The following ISY1 variants were observed in gnomAD, a reference collection of about 807,000 sequenced individuals.
The protein encoded by ISY1 is ISY1 spliceosome associated protein.
A neutral mutation model predicts 54.4 loss-of-function variants in ISY1; 12 were observed. The observed-to-expected ratio is 0.22, with a 90% CI of 0.14 to 0.36. The LOEUF (loss-of-function observed/expected upper bound fraction) is 0.36, where lower values mean the gene tolerates loss of function less well. Among genes scored for constraint, ISY1 ranks in the 10% least tolerant of loss-of-function variants. ISY1 has a pLI of 1.00. For synonymous variants in ISY1, 96 were observed against 117.9 expected, an observed-to-expected ratio of 0.81 and a Z score of 1.20; for missense variants, 282 against 342.2, an observed-to-expected ratio of 0.82 and a Z score of 1.39.
At chr3:129,160,087 GC>G (rs1201627616) in intron 1 of ISY1, among the ~76,000 whole-genome samples, 3 of 151,392 alleles carry the variant, frequency 2.0e-5, no homozygotes, top group Non-Finnish European at 2.9e-5. Context: ...GTGCAGTGGC[GC>G]GATCTCGGCT....
chr3:129,135,467 AG>A (rs1315159296), intron 7 of ISY1, among the ~76,000 whole-genome samples: 1 of 152,184 alleles, frequency 6.6e-6, no homozygotes, highest in Non-Finnish European at 1.5e-5. Flanking sequence ...AATCTACCTA[AG>A]TAAAAAACAA....
At chr3:129,130,802 T>C (rs1235329375) in intron 9 of ISY1, 166 bp from the exon 10 acceptor site, 3 of 674,624 alleles carry the variant, frequency 4.4e-6, no homozygotes, top group East Asian at 6.2e-5. Context: ...AAAAAAGCCA[T>C]AGAACACGCT....
Position 129,130,165 on chromosome 3 carries a change from C to A in ISY1, c.774G>T (p.Arg258Ser). Reference protein sequence around the residue: ...QQEIEEALVRRKKMELLQKYA... With the variant: ...QQEIEEALVRSKKMELLQKYA... ...ACTTCTGGAGGAGTTCCATTTTCTT[C>A]CTTCGCACCAGTGCCTCCTCAATCT... The change falls in exon 11 of 11, where the codon AGG becomes AGT. Residue 258 changes from arginine to serine, a missense_variant. By Grantham distance (110) the Arg-to-Ser change is moderately radical. Around this residue, in one of 2 missense-constraint regions of ISY1, gnomAD observed 279 missense variants for 323.6 expected, o/e 0.86. Coordinates refer to ENST00000393295, the MANE Select transcript of ISY1 (RefSeq NM_020701.4). 3 of 1,611,480 alleles carry A rather than the reference C, an allele frequency of 1.9e-6. No individual in the cohort carries two copies. The highest frequency in any genetic ancestry group is 1.3e-5 in the African/African-American group (1 of 74,888).
intron 6 of ISY1, among the ~76,000 whole-genome samples, chr3:129,142,964 A>G (rs1936665740): frequency 6.6e-6 from 1 of 152,198 alleles, no homozygotes; most frequent in Non-Finnish European, 1.5e-5. Flanking sequence ...CTGAGGCATG[A>G]GAATCGCTTG....
intron 7 of ISY1, among the ~76,000 whole-genome samples, chr3:129,135,414 C>T (rs1201474257): frequency 6.6e-6 from 1 of 152,028 alleles, no homozygotes; most frequent in Non-Finnish European, 1.5e-5. Context: ...TGGTAGAGCC[C>T]TTTTTAAAAT....
intron 5 of ISY1, among the ~76,000 whole-genome samples, chr3:129,151,366 TG>T (rs1936963831): frequency 6.6e-6 from 1 of 151,792 alleles, no homozygotes; most frequent in Non-Finnish European, 1.5e-5. Flanking sequence ...TGGTGGCTCA[TG>T]CCTGTAATCC....
At chr3:129,153,627 CA>C (rs1032137707) in intron 5 of ISY1, among the ~76,000 whole-genome samples, 41 of 149,618 alleles carry the variant, frequency 2.7e-4, no homozygotes, top group Middle Eastern at 3.4e-3. Context: ...ACTAAAAATA[CA>C]AAAAAAAATT....
rs768257057 is a variant in ISY1 at position 129,156,615 on chromosome 3, A to C, written c.187+18T>G. The C allele has an allele frequency of 6.2e-7, 1 of 1,610,656 alleles. No individual in the cohort carries two copies. Among genetic ancestry groups the C allele is most frequent in the Non-Finnish European group, 8.5e-7 (1 of 1,178,762 alleles). ...TGGATTTGAGAATCAAGCACTTTAA[A>C]GGAACAAGTTTGCTTACCATTCTGA... is the stretch of plus-strand genomic sequence containing the variant. On this transcript the variant is annotated intron_variant, in intron 5 of 10. Transcript: ENST00000393295.
At chr3:129,144,074 C>A in intron 6 of ISY1, 2 of 345,350 alleles carry the variant, frequency 5.8e-6, no homozygotes, top group Non-Finnish European at 1.2e-5. Flanking sequence ...ATACCTGAGA[C>A]CACTTTTCTA....
At chr3:129,135,379 T>A (rs181869482) in intron 7 of ISY1, among the ~76,000 whole-genome samples, 1 of 151,946 alleles carries the variant, frequency 6.6e-6, no homozygotes. Flanking sequence ...GACACTTTTC[T>A]ATACTATTCA....
At chr3:129,148,377 A>G (rs1450046404) in intron 5 of ISY1, among the ~76,000 whole-genome samples, 1 of 152,206 alleles carries the variant, frequency 6.6e-6, no homozygotes, top group Non-Finnish European at 1.5e-5. Flanking sequence ...ATTCTAAAGT[A>G]ACTGTTCCAT....
intron 7 of ISY1, 29 bp downstream of exon 7, chr3:129,140,339 A>C (rs772862989): frequency 2.6e-6 from 4 of 1,560,920 alleles, no homozygotes; most frequent in Non-Finnish European, 3.4e-6. Context: ...TTACCAATGA[A>C]AGGCTAAAAC....
At chr3:129,156,538 C>T (rs919664893) in intron 5 of ISY1, 95 bp downstream of exon 5, 8 of 1,287,306 alleles carry the variant, frequency 6.2e-6, no homozygotes, top group African/African-American at 4.5e-5. Context: ...TTACTATCTA[C>T]TTGCTCTATT....
Position 129,134,154 on chromosome 3 carries a change from C to A in ISY1, c.583G>T (p.Ala195Ser), listed in dbSNP as rs752528385. Reference sequence around the variant, plus strand: ...TCCTTTTCTCCTCTTGCCAGCCGAGCCTCTCTCTCTGCTTTCCACTTTTCC... The same window carrying A: ...TCCTTTTCTCCTCTTGCCAGCCGAGACTCTCTCTCTGCTTTCCACTTTTCC... ...LVEKWKAERE[A>S]RLARGEKEEE... Residue 195 changes from alanine (A) to serine (S), a missense_variant, in exon 9 of 11, where the codon GCT becomes TCT. Ala to Ser is a moderately conservative substitution (Grantham distance 99). Around this residue, in one of 2 missense-constraint regions of ISY1, gnomAD observed 279 missense variants for 323.6 expected, o/e 0.86. Transcript: ENST00000393295. 8.1e-6 allele frequency: 13 copies of A among 1,614,164 alleles called. No individual in the cohort carries two copies. The highest frequency in any genetic ancestry group is 2.2e-5 in the East Asian group (1 of 44,886).
intron 7 of ISY1, among the ~76,000 whole-genome samples, chr3:129,136,879 TTTTTTTA>T (rs1178434092): frequency 3.4e-5 from 5 of 146,926 alleles, no homozygotes; most frequent in African/African-American, 5.0e-5. Context: ...TTCTTCTTTT[TTTTTTTA>T]TTTTTTATTT....
At chr3:129,143,733 A>G (rs1936693516) in intron 6 of ISY1, among the ~76,000 whole-genome samples, 1 of 151,738 alleles carries the variant, frequency 6.6e-6, no homozygotes, top group South Asian at 2.1e-4. Context: ...ATATAATGAA[A>G]GCTACCATTT....
chr3:129,149,610 AAT>A (rs1199049568), intron 5 of ISY1, among the ~76,000 whole-genome samples: 332 of 24,602 alleles, frequency 0.013, 13 homozygotes, highest in East Asian at 0.091. Flanking sequence ...AAAAAAAAAA[AAT>A]ATATATATAT....
At chr3:129,130,776 C>G in intron 9 of ISY1, 140 bp from the exon 10 acceptor site, 1 of 863,310 alleles carries the variant, frequency 1.2e-6, no homozygotes, top group Non-Finnish European at 1.7e-6. Context: ...AGACACTTGA[C>G]CCACAAGATT....
chr3:129,158,547 T>G lies in ISY1; in HGVS notation c.39A>C (p.Ala13=), dbSNP rs1203370111. 6.2e-7 allele frequency: 1 copy of G among 1,614,084 alleles called. No homozygotes were observed. Among genetic ancestry groups the G allele is most frequent in the South Asian group, 1.1e-5 (1 of 91,082 alleles). The change falls in exon 3 of 11, where the codon GCA becomes GCC. Residue 13 remains alanine (A), a synonymous_variant. Transcript: ENST00000393295. ...RNAEKAMTAL[A]RFRQAQLEEG... ...CTTCCAGCTGAGCCTGGCGAAATCT[T>G]GCTAAGGCCGTCCTACCAGCGATAT... is the stretch of plus-strand genomic sequence containing the variant.
Sources: gnomAD v4.1 joint callset for allele counts (sites outside exome capture counted in the v4.1 genomes callset) on GRCh38, gnomAD v4.1.1 for gene constraint, gnomAD v4.1.1 regional missense constraint, MANE v1.5 for transcripts, NCBI Gene and HGNC (gene_info 2026-07-23, HGNC 2026-07-21) for gene names.